Variants in ARHGAP10 observed in about 807,000 individuals in gnomAD.
The protein encoded by ARHGAP10 is rho GTPase-activating protein 10.
A neutral mutation model predicts 108.6 loss-of-function variants in ARHGAP10; 87 were observed. That is an observed-to-expected ratio of 0.80 (90% confidence interval 0.67 to 0.96). ARHGAP10 has a LOEUF of 0.96. Among genes scored for constraint, ARHGAP10 ranks in the 40% least tolerant of loss-of-function variants. The pLI, the probability that ARHGAP10 is intolerant of heterozygous loss-of-function variation, is 0.00. For missense variants in ARHGAP10, 939 were observed against 954.5 expected (o/e 0.98, Z 0.21); for synonymous variants, 347 against 341.1 (o/e 1.02, Z -0.19).
At chr4:148,010,057 G>T (rs1287490972) in intron 18 of ARHGAP10, among the ~76,000 whole-genome samples, 1 of 151,980 alleles carries the variant, frequency 6.6e-6, no homozygotes, top group East Asian at 1.9e-4. Context: ...CTGTGTTTTG[G>T]TCTTAGTTTA....
At chr4:147,839,344 CT>C (rs1733317331) in intron 3 of ARHGAP10, among the ~76,000 whole-genome samples, 1 of 152,084 alleles carries the variant, frequency 6.6e-6, no homozygotes, top group Admixed American at 6.6e-5. Context: ...GGAGATATTC[CT>C]TTGTTCTCAG....
intron 19 of ARHGAP10, among the ~76,000 whole-genome samples, chr4:148,042,250 C>T (rs1338355469): frequency 6.6e-6 from 1 of 152,216 alleles, no homozygotes; most frequent in Non-Finnish European, 1.5e-5. Context: ...CCTTTGTTCA[C>T]TGAGTTCTAA....
intron 18 of ARHGAP10, among the ~76,000 whole-genome samples, chr4:147,983,771 A>G (rs1314111918): frequency 6.6e-6 from 1 of 152,066 alleles, no homozygotes; most frequent in Non-Finnish European, 1.5e-5. Context: ...TTTGCTATCC[A>G]TATCCTGGAT....
At chr4:147,856,686 A>G (rs1734097635) in intron 4 of ARHGAP10, among the ~76,000 whole-genome samples, 1 of 152,248 alleles carries the variant, frequency 6.6e-6, no homozygotes, top group African/African-American at 2.4e-5. Flanking sequence ...ATACACAGAT[A>G]TTCCAAAATT....
At chr4:147,818,790 A>G (rs190958467) in intron 1 of ARHGAP10, among the ~76,000 whole-genome samples, 114 of 152,320 alleles carry the variant, frequency 7.5e-4, no homozygotes, top group African/African-American at 2.5e-3. Context: ...TCTATAAAAT[A>G]TGAACTGCAT....
chr4:148,043,734 GTGTATATATATGTATATA>G (rs1390925123), intron 19 of ARHGAP10, among the ~76,000 whole-genome samples: 4 of 131,846 alleles, frequency 3.0e-5, no homozygotes, highest in South Asian at 2.3e-4. Context: ...ATATATATAT[GTGTATATATATGTATATA>G]TGTATATATA....
rs34854334 is a variant in ARHGAP10, at chr4:147,759,580, G to GCC, written c.154+27136_154+27137dup. Among the ~76,000 whole-genome samples the GCC allele has an allele frequency of 2.1e-4, 29 of 139,542 alleles. 1 individual carries two copies. The highest frequency in any genetic ancestry group is 7.3e-4 in the African/African-American group (27 of 36,860). 91.5% of individuals were successfully genotyped at this position (139,542 alleles called of 152,430 possible). A position where few individuals can be genotyped will look rare whatever the true frequency, so the allele number is the denominator to read the frequency against. ...TGCCTGGGTAGCATAGTGATACACC[G>GCC]CCCCCCCCCCCCTTTAAAAAGGAAA... On this transcript the variant is annotated intron_variant, in intron 1 of 22. Transcript: ENST00000336498.
rs190936896 is a variant in ARHGAP10 at position 148,023,411 on chromosome 4, A to G, written c.1865A>G (p.Asp622Gly). ...TACAATCTTTGTCTGGAGCTGGAAG[A>G]TGGTAAGATGTTAATGATATTTTTT... ...AVYNLCLELE[D>G]GDNPYPSKED... The change falls in exon 19 of 23, where the codon GAT becomes GGT. Residue 622 changes from aspartate (D) to glycine (G), a missense_variant and splice_region_variant. Transcript: ENST00000336498. 7 of 1,612,516 alleles carry G rather than the reference A, an allele frequency of 4.3e-6. No individual in the cohort carries two copies. The Admixed American group carries it at 5.0e-5, about 12-fold the overall frequency.
At chr4:147,765,279 A>G (rs1040868428) in intron 1 of ARHGAP10, among the ~76,000 whole-genome samples, 1 of 148,760 alleles carries the variant, frequency 6.7e-6, no homozygotes, top group Admixed American at 6.7e-5. Context: ...TCATACCTGG[A>G]AATATAAAGT....
rs200437362 is a variant in ARHGAP10, at chr4:147,879,355, A to G, written c.939+17A>G. The G allele has an allele frequency of 2.7e-4, 425 of 1,601,096 alleles. 3 individuals are homozygous for G. In the African/African-American group the frequency reaches 4.1e-3, roughly 15 times the overall value. The stretch of plus-strand genomic sequence containing the variant: ...GGGAAACTTGTAAGTATTTGATTCA[A>G]CATAGAATAGATTATAATCTGTCAG... On this transcript the variant is annotated intron_variant, in intron 9 of 22. Transcript: ENST00000336498.
In ARHGAP10 at chr4:147,781,385, C is replaced by T. The variant is rs1229558427; in HGVS notation, c.155-41342C>T. Among the ~76,000 whole-genome samples the T allele has an allele frequency of 3.9e-5, 6 of 152,212 alleles. No homozygotes were observed. In the East Asian group the frequency reaches 5.8e-4, roughly 15 times the overall value. On this transcript the variant is annotated intron_variant, in intron 1 of 22. Coordinates refer to ENST00000336498, the MANE Select transcript of ARHGAP10 (RefSeq NM_024605.4). ...GACATGATTTCATATTTACATTGGG[C>T]TGGACCTGGCAAGCCAGGATGTAGG...
At chr4:148,050,074 T>C (rs566612567) in intron 20 of ARHGAP10, among the ~76,000 whole-genome samples, 3 of 152,226 alleles carry the variant, frequency 2.0e-5, no homozygotes, top group South Asian at 2.1e-4. Flanking sequence ...CTCATGTTGG[T>C]GAGGCTGGTT....
chr4:147,988,074 A>C (rs761447207), intron 18 of ARHGAP10, among the ~76,000 whole-genome samples: 3 of 152,208 alleles, frequency 2.0e-5, no homozygotes, highest in Non-Finnish European at 4.4e-5. Flanking sequence ...GGTTTAACTC[A>C]GTGTAGTTTT....
At chr4:147,886,684 G>A (rs889374001) in intron 10 of ARHGAP10, among the ~76,000 whole-genome samples, 1 of 152,142 alleles carries the variant, frequency 6.6e-6, no homozygotes, top group Non-Finnish European at 1.5e-5. Flanking sequence ...AATTTCTACT[G>A]TATTCATGGG....
chr4:147,941,021 A>G (rs951959704), intron 14 of ARHGAP10, among the ~76,000 whole-genome samples: 1 of 152,210 alleles, frequency 6.6e-6, no homozygotes, highest in African/African-American at 2.4e-5. Context: ...GTGGTCTCCA[A>G]ATTAAATAGA....
chr4:147,763,775 A>G (rs1269133983), intron 1 of ARHGAP10, among the ~76,000 whole-genome samples: 1 of 146,418 alleles, frequency 6.8e-6, no homozygotes, highest in Admixed American at 6.8e-5. Flanking sequence ...TTTTTTTAAA[A>G]ACAGAGTTTT....
chr4:147,783,757 CATTAA>C (rs1730669588), intron 1 of ARHGAP10, among the ~76,000 whole-genome samples: 1 of 144,496 alleles, frequency 6.9e-6, no homozygotes, highest in South Asian at 2.3e-4. Flanking sequence ...TTATAGAACA[CATTAA>C]ATTATTATAT....
chr4:147,765,485 T>C (rs1034926208), intron 1 of ARHGAP10, among the ~76,000 whole-genome samples: 1 of 152,182 alleles, frequency 6.6e-6, no homozygotes, highest in African/African-American at 2.4e-5. Context: ...GAGCATTTGC[T>C]GAAGAATGCT....
At chr4:147,799,194 C>T (rs1158531433) in intron 1 of ARHGAP10, among the ~76,000 whole-genome samples, 2 of 151,970 alleles carry the variant, frequency 1.3e-5, no homozygotes, top group Admixed American at 1.3e-4. Flanking sequence ...ATCAGTATGC[C>T]TGGCTAATTT....
Sources: allele counts gnomAD v4.1 joint callset (sites outside exome capture counted in the v4.1 genomes callset), GRCh38; gene constraint gnomAD v4.1.1; transcripts MANE v1.5; gene names NCBI Gene and HGNC (gene_info 2026-07-23, HGNC 2026-07-21).